The following DNAH11 variants were observed in gnomAD, a reference collection of about 807,000 sequenced individuals.
The protein encoded by DNAH11 is axonemal beta dynein heavy chain 11.
A neutral mutation model predicts 526.0 loss-of-function variants in DNAH11; 442 were observed. That is an observed-to-expected ratio of 0.84 (90% CI 0.78 to 0.91). The LOEUF (loss-of-function observed/expected upper bound fraction) is 0.91. Among genes scored for constraint, DNAH11 ranks in the 40% least tolerant of loss-of-function variants. The pLI is 0.00. For missense variants in DNAH11, 6,989 were observed against 5,448.7 expected (o/e 1.28, Z -8.90); for synonymous variants, 2,461 against 1,935.9 (o/e 1.27, Z -7.12).
intron 54 of DNAH11, among the ~76,000 whole-genome samples, chr7:21,753,847 A>G (rs1162848012): frequency 6.6e-6 from 1 of 152,192 alleles, no homozygotes; most frequent in Non-Finnish European, 1.5e-5. Context: ...AACACACTCC[A>G]TGTCAATTTT....
intron 67 of DNAH11, among the ~76,000 whole-genome samples, chr7:21,853,749 T>C (rs1782727293): frequency 6.6e-6 from 1 of 152,224 alleles, no homozygotes; most frequent in Non-Finnish European, 1.5e-5. Context: ...TCTCTGAATG[T>C]ACCCAGAGGC....
At chr7:21,880,098 AAAAG>A (rs1211144322) in intron 74 of DNAH11, among the ~76,000 whole-genome samples, 1,524 of 151,188 alleles carry the variant, frequency 0.01, 13 homozygotes, top group South Asian at 0.021. Context: ...AAAAAAAAAA[AAAAG>A]AAAGAAAGAA....
Position 21,726,935 on chromosome 7 carries a change from C to CTTTTTTTTTTTTTTTT in DNAH11, c.7440+952_7440+967dup, listed in dbSNP as rs1330445927. Among the ~76,000 whole-genome samples the CTTTTTTTTTTTTTTTT allele has an allele frequency of 2.8e-4, 9 of 31,990 alleles. 3 individuals carry two copies. The highest frequency in any genetic ancestry group is 1.2e-3 in the Admixed American group (2 of 1,730). The allele number at this position is 31,990 out of a possible 152,430, so 21.0% of individuals were successfully genotyped here. A position where few individuals can be genotyped will look rare whatever the true frequency, so the allele number is the denominator to read the frequency against. ...CTGTTATATTTCTGCATCCTCTTTT[C>CTTTTTTTTTTTTTTTT]TTTTTTTTTTTTTTTTGAGATGGAG... On this transcript the variant is annotated intron_variant, in intron 45 of 81. Transcript: ENST00000409508.
intron 56 of DNAH11, among the ~76,000 whole-genome samples, chr7:21,775,907 C>T (rs1336177235): frequency 6.6e-6 from 1 of 152,164 alleles, no homozygotes; most frequent in Non-Finnish European, 1.5e-5. Flanking sequence ...GTCACCCAAA[C>T]TGAGCTTTCA....
intron 54 of DNAH11, among the ~76,000 whole-genome samples, chr7:21,754,100 T>C (rs1174661386): frequency 6.6e-6 from 1 of 152,180 alleles, no homozygotes; most frequent in Non-Finnish European, 1.5e-5. Flanking sequence ...GTTATTCTGT[T>C]TTTCTGTTCT....
At chr7:21,872,306 A>G (rs1475387063) in intron 73 of DNAH11, among the ~76,000 whole-genome samples, 1 of 152,048 alleles carries the variant, frequency 6.6e-6, no homozygotes, top group Admixed American at 6.6e-5. Flanking sequence ...TTATTTGCCA[A>G]GGGAATAAAA....
At chr7:21,573,920 T>G (rs1474934919) in intron 8 of DNAH11, among the ~76,000 whole-genome samples, 3 of 152,214 alleles carry the variant, frequency 2.0e-5, no homozygotes, top group Non-Finnish European at 4.4e-5. Context: ...CTTTTTGAAA[T>G]GCTGTTGTTT....
chr7:21,583,635 A>T (rs560948051), intron 9 of DNAH11, among the ~76,000 whole-genome samples: 2 of 152,328 alleles, frequency 1.3e-5, no homozygotes, highest in East Asian at 3.9e-4. Context: ...CTATCATCAG[A>T]GTGAACAGGC....
chr7:21,891,005 A>G (rs1003377067), intron 76 of DNAH11, among the ~76,000 whole-genome samples: 1 of 152,230 alleles, frequency 6.6e-6, no homozygotes, highest in Non-Finnish European at 1.5e-5. Flanking sequence ...TATTAAGGAC[A>G]TAGGCTTTCT....
intron 31 of DNAH11, among the ~76,000 whole-genome samples, chr7:21,682,051 T>G (rs944888929): frequency 2.0e-5 from 3 of 152,202 alleles, no homozygotes; most frequent in African/African-American, 7.2e-5. Flanking sequence ...ATTATGTGTA[T>G]GTGATTTAAA....
At chr7:21,805,596 G>A (rs980413265) in intron 62 of DNAH11, among the ~76,000 whole-genome samples, 2 of 152,144 alleles carry the variant, frequency 1.3e-5, no homozygotes, top group African/African-American at 4.8e-5. Flanking sequence ...CTCCATTTGT[G>A]AGGTACCTGA....
At chr7:21,791,218 T>C (rs561562550) in intron 61 of DNAH11, among the ~76,000 whole-genome samples, 1 of 152,344 alleles carries the variant, frequency 6.6e-6, no homozygotes, top group Non-Finnish European at 1.5e-5. Flanking sequence ...CAGTTTCTCA[T>C]CTGTCAAGTA....
intron 57 of DNAH11, among the ~76,000 whole-genome samples, chr7:21,781,042 A>G (rs1451481926): frequency 6.6e-6 from 1 of 152,230 alleles, no homozygotes; most frequent in Non-Finnish European, 1.5e-5. Flanking sequence ...TAATTAAACT[A>G]GAAAGCATCT....
intron 30 of DNAH11, among the ~76,000 whole-genome samples, chr7:21,674,347 C>T (rs985273100): frequency 1.3e-4 from 19 of 151,936 alleles, no homozygotes; most frequent in African/African-American, 2.9e-4. Context: ...TGAGCCACTG[C>T]GCCTGGTCTG....
chr7:21,590,895 T>C, intron 12 of DNAH11, 23 bp from the exon 13 acceptor site: 1 of 1,282,956 alleles, frequency 7.8e-7, no homozygotes, highest in Non-Finnish European at 1.0e-6. Context: ...TATGCAATAA[T>C]TTTAATAATT....
chr7:21,673,005 T>C lies in DNAH11; in HGVS notation c.5329-8541T>C, dbSNP rs558588519. On this transcript the variant is annotated intron_variant, in intron 30 of 81. Coordinates refer to ENST00000409508, the MANE Select transcript of DNAH11 (RefSeq NM_001277115.2). ...GATATGTGTATCCTATACACCCCAA[T>C]GGTGGTCAAGATTGTGTCTTTTCCT... 2.6e-5 allele frequency among the ~76,000 whole-genome samples: 4 copies of C among 152,314 alleles called. No individual in the cohort carries two copies. The South Asian group carries it at 8.3e-4, about 32-fold the overall frequency.
intron 75 of DNAH11, 58 bp from the exon 76 acceptor site, chr7:21,884,233 G>T: frequency 6.7e-7 from 1 of 1,491,228 alleles, no homozygotes; most frequent in South Asian, 1.5e-5. Flanking sequence ...CTACTGGTTG[G>T]CTACTCTGAG....
intron 28 of DNAH11, among the ~76,000 whole-genome samples, chr7:21,646,365 A>G (rs1367898311): frequency 6.6e-6 from 1 of 152,242 alleles, no homozygotes; most frequent in South Asian, 2.1e-4. Context: ...GATTCATGAC[A>G]GATGAGGAAC....
In DNAH11 at chr7:21,861,998, C is replaced by G; in HGVS notation, c.11348C>G (p.Thr3783Ser). Reference sequence around the variant, plus strand: ...GCGCTGTTTGAGAAGGACAAGCTCACCTTCCTGTCCCAGATGGCTTTTCAG... The same window carrying G: ...GCGCTGTTTGAGAAGGACAAGCTCAGCTTCCTGTCCCAGATGGCTTTTCAG... ...SQALFEKDKL[T>S]FLSQMAFQIL... Residue 3783 changes from threonine (T) to serine (S), a missense_variant, in exon 69 of 82, where the codon ACC (threonine) becomes AGC (serine). By Grantham distance (58) the Thr-to-Ser change is moderately conservative. Coordinates refer to ENST00000409508, the MANE Select transcript of DNAH11 (RefSeq NM_001277115.2). The G allele has an allele frequency of 6.2e-7, 1 of 1,612,882 alleles. No homozygotes were observed. Among genetic ancestry groups the G allele is most frequent in the Non-Finnish European group, 8.5e-7 (1 of 1,179,444 alleles).
Sources: allele counts gnomAD v4.1 joint callset (sites outside exome capture counted in the v4.1 genomes callset), GRCh38; gene constraint gnomAD v4.1.1; transcripts MANE v1.5; gene names NCBI Gene and HGNC (gene_info 2026-07-23, HGNC 2026-07-21).